The following LYSMD2 variants were observed in gnomAD, a reference collection of about 807,000 sequenced individuals.
LYSMD2 encodes the protein lysM and putative peptidoglycan-binding domain-containing protein 2.
LYSMD2 carries 6 observed loss-of-function variants against 17.7 expected under a neutral mutation model. That is an observed-to-expected ratio of 0.34 (90% CI 0.19 to 0.67). The LOEUF (loss-of-function observed/expected upper bound fraction) is 0.67, where lower values mean the gene tolerates loss of function less well. LYSMD2 is among the 30% of genes least tolerant of loss of function. The pLI is 0.69. For missense variants in LYSMD2, 237 were observed against 286.7 expected, an observed-to-expected ratio of 0.83 and a Z score of 1.25; for synonymous variants, 102 against 129.8, an observed-to-expected ratio of 0.79 and a Z score of 1.45.
chr15:51,747,464 C>T (rs1265974194), intron 1 of LYSMD2, among the ~76,000 whole-genome samples: 3 of 152,186 alleles, frequency 2.0e-5, no homozygotes, highest in Non-Finnish European at 4.4e-5. Flanking sequence ...GCACTCCAGC[C>T]TGGGCAACAA....
chr15:51,740,674 C>T (rs1197807945), upstream of LYSMD2, among the ~76,000 whole-genome samples: 2 of 152,128 alleles, frequency 1.3e-5, no homozygotes, highest in East Asian at 1.9e-4. Flanking sequence ...AATATACAAA[C>T]ATCAATTGCA....
chr15:51,738,135 T>G (rs1595853069), upstream of LYSMD2: 1 of 90,108 alleles, frequency 1.1e-5, no homozygotes, highest in Non-Finnish European at 2.1e-5. Context: ...CAAGGGTACT[T>G]CCCTCCCCCC....
upstream of LYSMD2, among the ~76,000 whole-genome samples, chr15:51,742,041 T>G (rs1483153594): frequency 1.3e-5 from 2 of 149,068 alleles, no homozygotes; most frequent in Non-Finnish European, 1.5e-5. Context: ...AAAAAGAAAT[T>G]TTTTTTTTTT....
At chr15:51,730,996 T>C (rs936321939) in intron 1 of LYSMD2, among the ~76,000 whole-genome samples, 9 of 152,178 alleles carry the variant, frequency 5.9e-5, no homozygotes, top group African/African-American at 1.9e-4. Context: ...GAAAAGTACA[T>C]GAGATTCTAT....
upstream of LYSMD2, among the ~76,000 whole-genome samples, chr15:51,741,037 GT>G (rs1451152195): frequency 6.6e-6 from 1 of 152,178 alleles, no homozygotes; most frequent in Non-Finnish European, 1.5e-5. Context: ...ATATGACAGA[GT>G]TATGCTGACA....
chr15:51,739,234 A>G (rs1413560186), upstream of LYSMD2, among the ~76,000 whole-genome samples: 1 of 152,228 alleles, frequency 6.6e-6, no homozygotes, highest in Non-Finnish European at 1.5e-5. Context: ...ACTTGCATGT[A>G]CATGCATGAG....
At chr15:51,736,132 G>A (rs535013451) in intron 1 of LYSMD2, among the ~76,000 whole-genome samples, 17 of 152,256 alleles carry the variant, frequency 1.1e-4, no homozygotes, top group African/African-American at 4.1e-4. Context: ...TACCTCCTGG[G>A]CTTATTGTGA....
chr15:51,723,590 T>C lies in LYSMD2; in HGVS notation c.*17A>G, dbSNP rs74015720. ...AAACATATCTTAATTTTGGTTAGAGTTATGCCCCCAAATCACCTAACTGTG... is the reference window on the plus strand; with the variant it reads ...AAACATATCTTAATTTTGGTTAGAGCTATGCCCCCAAATCACCTAACTGTG... On this transcript the variant is annotated 3_prime_UTR_variant, in exon 3 of 3. Transcript: ENST00000267838. 3,760 of 1,599,864 alleles carry C rather than the reference T, an allele frequency of 2.4e-3. 80 individuals are homozygous for C. In the African/African-American group the frequency reaches 0.046, roughly 19 times the overall value.
chr15:51,736,925 G>A (rs1406775756), intron 1 of LYSMD2, among the ~76,000 whole-genome samples: 1 of 152,248 alleles, frequency 6.6e-6, no homozygotes, highest in Non-Finnish European at 1.5e-5. Context: ...TGTTTTCACA[G>A]ACAACAAAAT....
chr15:51,750,344 G>GT (rs958397750), intron 1 of LYSMD2, among the ~76,000 whole-genome samples: 15 of 152,166 alleles, frequency 9.9e-5, no homozygotes, highest in African/African-American at 3.6e-4. Flanking sequence ...TCTGCAGCAC[G>GT]TTTTTTTGGC....
At chr15:51,750,905 A>G (rs1459076368) in intron 1 of LYSMD2, among the ~76,000 whole-genome samples, 1 of 152,190 alleles carries the variant, frequency 6.6e-6, no homozygotes, top group Non-Finnish European at 1.5e-5. Context: ...TTAGGTTAGC[A>G]CGACATATAG....
At chr15:51,750,219 T>C (rs1210777014) in intron 1 of LYSMD2, among the ~76,000 whole-genome samples, 4 of 152,186 alleles carry the variant, frequency 2.6e-5, no homozygotes, top group Non-Finnish European at 5.9e-5. Flanking sequence ...TGGGGAAAAA[T>C]ACCTTCACTC....
chr15:51,747,217 C>A (rs1450262480), intron 1 of LYSMD2, among the ~76,000 whole-genome samples: 1 of 147,340 alleles, frequency 6.8e-6, no homozygotes, highest in African/African-American at 2.5e-5. Flanking sequence ...ACAACAACAA[C>A]AACAACAACA....
chr15:51,724,561 T>C (rs1358723146), intron 2 of LYSMD2, among the ~76,000 whole-genome samples: 2 of 148,160 alleles, frequency 1.3e-5, no homozygotes, highest in African/African-American at 2.5e-5. Flanking sequence ...ATACTAAAAA[T>C]GCCTTTCTAG....
upstream of LYSMD2, among the ~76,000 whole-genome samples, chr15:51,738,500 A>C (rs1377577095): frequency 6.6e-6 from 1 of 152,094 alleles, no homozygotes; most frequent in Non-Finnish European, 1.5e-5. Flanking sequence ...TATTGCTATT[A>C]ATATTATAAC....
chr15:51,735,096 C>A (rs894297030), intron 1 of LYSMD2, among the ~76,000 whole-genome samples: 7 of 151,944 alleles, frequency 4.6e-5, no homozygotes, highest in African/African-American at 1.7e-4. Flanking sequence ...ATCACTTGAG[C>A]AGCGGCAGCT....
At chr15:51,747,939 C>T (rs1218116367) in intron 1 of LYSMD2, among the ~76,000 whole-genome samples, 2 of 152,192 alleles carry the variant, frequency 1.3e-5, no homozygotes, top group East Asian at 3.8e-4. Context: ...GTTAGTCTTT[C>T]TAATAACCCC....
chr15:51,747,255 G>C (rs2055672860), intron 1 of LYSMD2, among the ~76,000 whole-genome samples: 1 of 151,822 alleles, frequency 6.6e-6, no homozygotes, highest in African/African-American at 2.4e-5. Context: ...ACTTTGGGAG[G>C]CTGAGGCAGG....
intron 1 of LYSMD2, among the ~76,000 whole-genome samples, chr15:51,751,061 C>T (rs1214672206): frequency 6.6e-6 from 1 of 152,214 alleles, no homozygotes; most frequent in Non-Finnish European, 1.5e-5. Flanking sequence ...CAGATGAGGA[C>T]GCGAAGGCTC....
Sources: gnomAD v4.1 joint callset for allele counts (sites outside exome capture counted in the v4.1 genomes callset) on GRCh38, gnomAD v4.1.1 for gene constraint, MANE v1.5 for transcripts, NCBI Gene and HGNC (gene_info 2026-07-23, HGNC 2026-07-21) for gene names.